LRMDA: variants seen among roughly 807,000 people sequenced by gnomAD.
LRMDA encodes leucine rich melanocyte differentiation associated.
In LRMDA, 18 loss-of-function variants were observed where a neutral mutation model predicts 29.8. That is an observed-to-expected ratio of 0.60 (90% CI 0.42 to 0.90). The LOEUF is 0.90. Ranked by LOEUF, LRMDA falls within the 40% of genes least tolerant of loss-of-function variation. The probability of loss-of-function intolerance (pLI) is 0.00; values close to 1 mark genes in which losing one functional copy is unlikely to be tolerated. For missense variants in LRMDA, 273 were observed against 273.9 expected (o/e 1.00, Z 0.02); for synonymous variants, 125 against 109.4 (o/e 1.14, Z -0.89).
intron 6 of LRMDA, among the ~76,000 whole-genome samples, chr10:76,414,000 C>T (rs1487941839): frequency 2.0e-5 from 3 of 152,196 alleles, no homozygotes; most frequent in African/African-American, 7.2e-5. Flanking sequence ...GGCCATAAGG[C>T]CATATGGCTG....
At chr10:76,507,126 A>G (rs1366958738) in intron 6 of LRMDA, among the ~76,000 whole-genome samples, 1 of 151,778 alleles carries the variant, frequency 6.6e-6, no homozygotes, top group African/African-American at 2.4e-5. Context: ...CTTTTTGATA[A>G]TAGCCATTTT....
At position 76,423,568 on chromosome 10, in the gene LRMDA, A is replaced by G. The variant is rs577367947; in HGVS notation, c.601+99083A>G. On this transcript the variant is annotated intron_variant, in intron 6 of 6. Transcript: ENST00000611255. ...TATGAAGTCATTCATGTGATTATTG[A>G]TTAATTGAGTGATTTTTCAGATTTC... Among the ~76,000 whole-genome samples, 11 of 152,282 alleles carry G rather than the reference A, an allele frequency of 7.2e-5. No homozygotes were observed. In the South Asian group the frequency reaches 2.3e-3, roughly 32 times the overall value.
chr10:75,541,820 A>G (rs1348687803), intron 2 of LRMDA, among the ~76,000 whole-genome samples: 2 of 143,754 alleles, frequency 1.4e-5, no homozygotes, highest in African/African-American at 5.1e-5. Flanking sequence ...TTACATGCAA[A>G]TCATTTTTGC....
At chr10:76,207,146 TCA>T (rs1203666334) in intron 5 of LRMDA, among the ~76,000 whole-genome samples, 2 of 150,716 alleles carry the variant, frequency 1.3e-5, no homozygotes, top group African/African-American at 4.9e-5. Context: ...GGGTAATGAA[TCA>T]GCCGGGGAAA....
chr10:76,021,650 T>G (rs532753795), intron 2 of LRMDA, among the ~76,000 whole-genome samples: 3 of 152,206 alleles, frequency 2.0e-5, no homozygotes, highest in Non-Finnish European at 2.9e-5. Flanking sequence ...CCTCCTACCA[T>G]GAAGAGCTGT....
chr10:75,669,938 A>C (rs1466299798), intron 2 of LRMDA, among the ~76,000 whole-genome samples: 1 of 152,240 alleles, frequency 6.6e-6, no homozygotes, highest in Non-Finnish European at 1.5e-5. Flanking sequence ...GCAGATGAGA[A>C]GTACACTTAA....
intron 6 of LRMDA, among the ~76,000 whole-genome samples, chr10:76,520,844 A>G (rs1047991418): frequency 6.6e-6 from 1 of 152,132 alleles, no homozygotes; most frequent in African/African-American, 2.4e-5. Context: ...TTTAAGGCCA[A>G]ACTCTAGCTC....
chr10:76,097,573 A>G (rs995143101), intron 5 of LRMDA, among the ~76,000 whole-genome samples: 2 of 152,214 alleles, frequency 1.3e-5, no homozygotes, highest in African/African-American at 2.4e-5. Context: ...AACGTCCTCT[A>G]TCAGATTGAA....
chr10:76,195,342 A>G (rs1851314307), intron 5 of LRMDA, among the ~76,000 whole-genome samples: 1 of 152,218 alleles, frequency 6.6e-6, no homozygotes, highest in African/African-American at 2.4e-5. Flanking sequence ...CTATTAAAGT[A>G]GCGACCAGGG....
intron 2 of LRMDA, among the ~76,000 whole-genome samples, chr10:75,547,254 C>G (rs531472602): frequency 1.3e-5 from 2 of 152,292 alleles, no homozygotes; most frequent in South Asian, 4.1e-4. Context: ...CTGAGTATCT[C>G]TGGACCAAAA....
chr10:76,047,486 G>C (rs1382322955), intron 4 of LRMDA, among the ~76,000 whole-genome samples, 183 bp downstream of exon 4: 1 of 152,214 alleles, frequency 6.6e-6, no homozygotes, highest in Admixed American at 6.5e-5. Flanking sequence ...GGTCACAAAA[G>C]CTAAGAAAGA....
intron 5 of LRMDA, among the ~76,000 whole-genome samples, chr10:76,299,950 C>T (rs207471154): frequency 1.3e-5 from 2 of 152,134 alleles, no homozygotes; most frequent in Non-Finnish European, 2.9e-5. Context: ...CTTCCTCATA[C>T]CTCCCCTAAC....
chr10:76,505,348 G>A (rs1372018925), intron 6 of LRMDA, among the ~76,000 whole-genome samples: 1 of 152,030 alleles, frequency 6.6e-6, no homozygotes, highest in African/African-American at 2.4e-5. Context: ...TTGCATGCCA[G>A]CCTGTCTAGC....
intron 2 of LRMDA, among the ~76,000 whole-genome samples, chr10:75,902,335 A>G (rs1845688967): frequency 6.6e-6 from 1 of 152,158 alleles, no homozygotes; most frequent in Admixed American, 6.5e-5. Context: ...ACTGGGGAGT[A>G]GGCTCCAGGT....
At chr10:75,901,739 CT>C (rs1419190051) in intron 2 of LRMDA, among the ~76,000 whole-genome samples, 20 of 152,258 alleles carry the variant, frequency 1.3e-4, no homozygotes, top group Admixed American at 1.3e-3. Flanking sequence ...GAGTGTGTTG[CT>C]GTAATGGTAA....
chr10:75,637,063 G>A (rs1007949508), intron 2 of LRMDA, among the ~76,000 whole-genome samples: 8 of 152,204 alleles, frequency 5.3e-5, no homozygotes, highest in African/African-American at 1.9e-4. Context: ...TCTATTGGAG[G>A]AGACAATTGA....
At chr10:76,333,163 T>A (rs1840924907) in intron 6 of LRMDA, among the ~76,000 whole-genome samples, 1 of 152,094 alleles carries the variant, frequency 6.6e-6, no homozygotes, top group Non-Finnish European at 1.5e-5. Flanking sequence ...CAGGTAGAAC[T>A]GATGAGAGAA....
At chr10:76,420,795 T>G (rs541325586) in intron 6 of LRMDA, among the ~76,000 whole-genome samples, 8 of 152,156 alleles carry the variant, frequency 5.3e-5, no homozygotes, top group African/African-American at 1.9e-4. Context: ...TTTAGAAGTA[T>G]GTAGCTTAAT....
intron 6 of LRMDA, among the ~76,000 whole-genome samples, chr10:76,332,707 G>A (rs1055953233): frequency 2.0e-5 from 3 of 152,092 alleles, no homozygotes; most frequent in African/African-American, 4.8e-5. Context: ...GCTGTTTCTT[G>A]CCCCTTTTTA....
Sources: gnomAD v4.1 joint callset for allele counts (sites outside exome capture counted in the v4.1 genomes callset) on GRCh38, gnomAD v4.1.1 for gene constraint, MANE v1.5 for transcripts, NCBI Gene and HGNC (gene_info 2026-07-23, HGNC 2026-07-21) for gene names.